The following SH3RF3 variants were observed in gnomAD, a reference collection of about 807,000 sequenced individuals.
SH3RF3 encodes the protein E3 ubiquitin-protein ligase SH3RF3.
In SH3RF3, 29 loss-of-function variants were observed where a neutral mutation model predicts 66.3. The observed-to-expected ratio is 0.44, with a 90% confidence interval of 0.33 to 0.60. The LOEUF (loss-of-function observed/expected upper bound fraction) is 0.60. SH3RF3 is among the 20% of genes least tolerant of loss of function. The pLI is 0.04. For synonymous variants in SH3RF3, 583 were observed against 532.0 expected, an observed-to-expected ratio of 1.10 and a Z score of -1.32; for missense variants, 1,194 against 1,190.9, an observed-to-expected ratio of 1.00 and a Z score of -0.04.
Position 109,296,686 on chromosome 2 carries a change from G to T in SH3RF3, c.574-50988G>T, listed in dbSNP as rs117561620. ...CCTTTGCTCCTGTGGGTGGAGGCAG[G>T]TGTCATGGGCAGCAGAGATTCTGCA... On this transcript the variant is annotated intron_variant, in intron 1 of 9. Coordinates refer to ENST00000309415, the MANE Select transcript of SH3RF3 (RefSeq NM_001099289.3). Among the ~76,000 whole-genome samples, 1,212 of 152,266 alleles carry T rather than the reference G, an allele frequency of 8.0e-3. 11 individuals are homozygous for T. Among genetic ancestry groups the T allele is most frequent in the East Asian group, 0.038 (194 of 5,164 alleles).
chr2:109,398,573 TC>T lies in SH3RF3; in HGVS notation c.946-13del. 1.3e-6 allele frequency: 2 copies of T among 1,534,166 alleles called. No individual in the cohort carries two copies. The highest frequency in any genetic ancestry group is 1.8e-6 in the Non-Finnish European group (2 of 1,139,424). ...CCATGATTTAATGCAGCCTCCCCTC[TC>T]CCCTTTCTCACTCAGCTCAATGACT... On this transcript the variant is annotated splice_polypyrimidine_tract_variant and intron_variant, in intron 3 of 9. Coordinates refer to ENST00000309415, the MANE Select transcript of SH3RF3 (RefSeq NM_001099289.3).
intron 1 of SH3RF3, among the ~76,000 whole-genome samples, chr2:109,163,093 C>G (rs1677528221): frequency 6.6e-6 from 1 of 152,190 alleles, no homozygotes; most frequent in Non-Finnish European, 1.5e-5. Flanking sequence ...AATAATAGAG[C>G]CTTGTTGACC....
chr2:109,400,893 A>G (rs1401705730), intron 4 of SH3RF3, among the ~76,000 whole-genome samples: 1 of 152,130 alleles, frequency 6.6e-6, no homozygotes, highest in Non-Finnish European at 1.5e-5. Flanking sequence ...CTGCTAGTGC[A>G]TTTTCTGTAA....
In SH3RF3 at chr2:109,387,650, A is replaced by G. The variant is rs1037280860; in HGVS notation, c.946-10940A>G. On this transcript the variant is annotated intron_variant, in intron 3 of 9. Transcript: ENST00000309415. The stretch of plus-strand genomic sequence containing the variant: ...CCCCCTATTTAACCTGCAGCCCCTC[A>G]GCATATCCTCCTCTCATACTTTTTC... Among the ~76,000 whole-genome samples, 16 of 152,302 alleles carry G rather than the reference A, an allele frequency of 1.1e-4. No individual in the cohort carries two copies. The Middle Eastern group carries it at 0.01, about 97-fold the overall frequency.
chr2:109,395,053 C>G (rs1195663271), intron 3 of SH3RF3, among the ~76,000 whole-genome samples: 1 of 152,202 alleles, frequency 6.6e-6, no homozygotes, highest in Middle Eastern at 3.2e-3. Flanking sequence ...TATGACGTGA[C>G]TAATTGGAGC....
At chr2:109,338,276 G>T (rs1402878378) in intron 1 of SH3RF3, among the ~76,000 whole-genome samples, 1 of 152,112 alleles carries the variant, frequency 6.6e-6, no homozygotes, top group Non-Finnish European at 1.5e-5. Context: ...TGTTTTGCAG[G>T]TACGGAAACT....
chr2:109,360,285 A>C (rs576957760), intron 2 of SH3RF3, among the ~76,000 whole-genome samples: 40 of 152,304 alleles, frequency 2.6e-4, no homozygotes, highest in African/African-American at 9.4e-4. Flanking sequence ...TGTGTGAATA[A>C]TTGTAAGAAA....
intron 1 of SH3RF3, among the ~76,000 whole-genome samples, chr2:109,295,043 C>G (rs1228528851): frequency 6.6e-6 from 1 of 152,254 alleles, no homozygotes; most frequent in Non-Finnish European, 1.5e-5. Flanking sequence ...TTCTCAGGAT[C>G]CCTGCAGGAA....
chr2:109,388,822 G>A (rs1675900914), intron 3 of SH3RF3, among the ~76,000 whole-genome samples: 1 of 124,626 alleles, frequency 8.0e-6, no homozygotes, highest in Non-Finnish European at 1.7e-5. Context: ...GCTCTGGGAT[G>A]TCAGAGAGAG....
At chr2:109,366,788 A>G (rs1044969676) in intron 2 of SH3RF3, among the ~76,000 whole-genome samples, 2 of 152,166 alleles carry the variant, frequency 1.3e-5, no homozygotes, top group Admixed American at 6.5e-5. Flanking sequence ...GGAAAGTCAA[A>G]GCTGCAGTGA....
rs752162249 is a variant in SH3RF3, at chr2:109,347,799, C to A, written c.699C>A (p.His233Gln). The stretch of plus-strand genomic sequence containing the variant: ...GCAAGGTGGATGAACAGTGGTACCA[C>A]GGCGAGCTGCACGGCACACAGGGCT... ...LRRKVDEQWYHGELHGTQGFL... is the reference protein window; with the variant it reads ...LRRKVDEQWYQGELHGTQGFL... The change falls in exon 2 of 10, where the codon CAC (histidine) becomes CAA (glutamine). Residue 233 changes from histidine to glutamine, a missense_variant. By Grantham distance (24) the His-to-Gln change is conservative (BLOSUM62 0). Coordinates refer to ENST00000309415, the MANE Select transcript of SH3RF3 (RefSeq NM_001099289.3). 5 of 1,613,860 alleles carry A rather than the reference C, an allele frequency of 3.1e-6. No individual in the cohort carries two copies. The highest frequency in any genetic ancestry group is 1.3e-5 in the African/African-American group (1 of 74,916).
intron 4 of SH3RF3, among the ~76,000 whole-genome samples, chr2:109,414,157 A>G (rs1393208561): frequency 6.6e-6 from 1 of 152,260 alleles, no homozygotes; most frequent in South Asian, 2.1e-4. Context: ...GGGCCAGGGC[A>G]TGCTCCCTCC....
chr2:109,291,213 ATAT>A (rs1681169232), intron 1 of SH3RF3, among the ~76,000 whole-genome samples: 1 of 152,036 alleles, frequency 6.6e-6, no homozygotes, highest in Non-Finnish European at 1.5e-5. Flanking sequence ...TGCTGTCAGG[ATAT>A]TATGGAGAAA....
Position 109,398,870 on chromosome 2 carries a change from T to G in SH3RF3, c.1226T>G (p.Ile409Ser). ...HSMEISAPVL[I>S]SSSDPRAAAR... ...ATGGAAATTAGTGCTCCAGTGTTGA[T>G]CAGCTCCAGCGATCCCCGAGCCGCG... The change falls in exon 4 of 10, where the codon ATC becomes AGC. Residue 409 changes from isoleucine to serine, a missense_variant. Transcript: ENST00000309415. 6.2e-7 allele frequency: 1 copy of G among 1,613,892 alleles called. No homozygotes were observed. The highest frequency in any genetic ancestry group is 8.5e-7 in the Non-Finnish European group (1 of 1,179,892).
At chr2:109,161,826 A>G (rs1574481045) in intron 1 of SH3RF3, among the ~76,000 whole-genome samples, 1 of 151,584 alleles carries the variant, frequency 6.6e-6, no homozygotes, top group Non-Finnish European at 1.5e-5. Context: ...GGATGCAAAT[A>G]CCTCCCATCG....
chr2:109,438,165 A>G (rs114237029), intron 7 of SH3RF3, among the ~76,000 whole-genome samples: 3,177 of 152,350 alleles, frequency 0.021, 44 homozygotes, highest in Middle Eastern at 0.058. Context: ...AGGTCAGCAG[A>G]GGCCATATTT....
intron 1 of SH3RF3, among the ~76,000 whole-genome samples, chr2:109,169,860 T>C (rs1423917521): frequency 1.3e-5 from 2 of 152,088 alleles, no homozygotes; most frequent in Non-Finnish European, 2.9e-5. Flanking sequence ...AGAACTTCCA[T>C]GAACACAGAT....
At chr2:109,273,609 G>C (rs1360840890) in intron 1 of SH3RF3, among the ~76,000 whole-genome samples, 2 of 152,238 alleles carry the variant, frequency 1.3e-5, no homozygotes, top group Non-Finnish European at 2.9e-5. Flanking sequence ...GACAGGCTTA[G>C]AGTCCTCCTC....
chr2:109,449,338 T>TC lies in SH3RF3; in HGVS notation c.2002dup (p.Leu668ProfsTer48). 6.2e-7 allele frequency: 1 copy of TC among 1,603,932 alleles called. No individual in the cohort carries two copies. Among genetic ancestry groups the TC allele is most frequent in the East Asian group, 2.2e-5 (1 of 44,656 alleles). On this transcript the variant is annotated frameshift_variant, in exon 8 of 10. Coordinates refer to ENST00000309415, the MANE Select transcript of SH3RF3 (RefSeq NM_001099289.3). LOFTEE classifies it high-confidence loss of function. Reference sequence around the variant, plus strand: ...GTGCAGATGTGCCCACGGCCGGCCATCCCCCTCACATCAGCAGCATCAGCC... The same window carrying TC: ...GTGCAGATGTGCCCACGGCCGGCCATCCCCCCTCACATCAGCAGCATCAGCC...
Sources: allele counts gnomAD v4.1 joint callset (sites outside exome capture counted in the v4.1 genomes callset), GRCh38; gene constraint gnomAD v4.1.1; transcripts MANE v1.5; gene names NCBI Gene and HGNC (gene_info 2026-07-23, HGNC 2026-07-21).